The following PDE3B variants were observed in gnomAD, a reference collection of about 807,000 sequenced individuals.
PDE3B encodes the protein cGMP-inhibited 3',5'-cyclic phosphodiesterase 3B.
PDE3B carries 66 observed loss-of-function variants against 116.8 expected under a neutral mutation model. The observed-to-expected ratio is 0.56, with a 90% CI of 0.46 to 0.69. PDE3B has a LOEUF of 0.69. Among genes scored for constraint, PDE3B ranks in the 30% least tolerant of loss-of-function variants. The probability of loss-of-function intolerance (pLI) is 0.00; values close to 1 mark genes in which losing one functional copy is unlikely to be tolerated. For missense variants in PDE3B, 1,384 were observed against 1,368.1 expected, an observed-to-expected ratio of 1.01 and a Z score of -0.18; for synonymous variants, 595 against 533.6, an observed-to-expected ratio of 1.12 and a Z score of -1.59.
At chr11:14,662,672 A>G (rs1229262676) in intron 1 of PDE3B, among the ~76,000 whole-genome samples, 1 of 152,254 alleles carries the variant, frequency 6.6e-6, no homozygotes, top group Non-Finnish European at 1.5e-5. Context: ...CAGAAGCCTT[A>G]GGAGCTGATG....
chr11:14,770,050 G>A (rs1329546548), intron 1 of PDE3B, among the ~76,000 whole-genome samples: 2 of 151,324 alleles, frequency 1.3e-5, no homozygotes, highest in Non-Finnish European at 3.0e-5. Context: ...TGTGAGTCAG[G>A]GAAATAAGGT....
At chr11:14,800,680 T>G in intron 4 of PDE3B, among the ~76,000 whole-genome samples, 1 of 152,162 alleles carries the variant, frequency 6.6e-6, no homozygotes, top group East Asian at 1.9e-4. Flanking sequence ...TTCTCTGTAT[T>G]TCCTGAATTT....
intron 1 of PDE3B, among the ~76,000 whole-genome samples, chr11:14,763,412 A>G (rs2133889626): frequency 6.6e-6 from 1 of 152,238 alleles, no homozygotes; most frequent in Admixed American, 6.6e-5. Context: ...GAAGAACTAG[A>G]AACAACCAAT....
intron 1 of PDE3B, among the ~76,000 whole-genome samples, chr11:14,686,652 T>C (rs1220254779): frequency 2.0e-5 from 3 of 152,226 alleles, no homozygotes; most frequent in Non-Finnish European, 4.4e-5. Context: ...TTACCATCTA[T>C]TTAACTTAAA....
intron 1 of PDE3B, among the ~76,000 whole-genome samples, chr11:14,735,897 G>T (rs972303894): frequency 2.6e-5 from 4 of 151,996 alleles, no homozygotes; most frequent in Admixed American, 6.6e-5. Context: ...CAGTGAGGAA[G>T]AGAACACGGA....
chr11:14,874,195 T>C (rs1409345633), downstream of PDE3B, among the ~76,000 whole-genome samples: 1 of 152,210 alleles, frequency 6.6e-6, no homozygotes, highest in Non-Finnish European at 1.5e-5. Flanking sequence ...TTTATTAAGA[T>C]CATGACTCAT....
the PDE3B span, among the ~76,000 whole-genome samples, chr11:14,882,947 A>G: frequency 6.6e-5 from 10 of 152,234 alleles, no homozygotes; most frequent in Admixed American, 1.3e-4. Flanking sequence ...CTTCAAAGAG[A>G]ATAAAATACC....
the PDE3B span, chr11:14,892,200 C>T: frequency 6.2e-7 from 1 of 1,609,766 alleles, no homozygotes; most frequent in Non-Finnish European, 8.5e-7. Flanking sequence ...TCCAAAGCTT[C>T]CACATCGGCC....
intron 1 of PDE3B, among the ~76,000 whole-genome samples, chr11:14,746,171 A>T (rs1293952826): frequency 6.6e-6 from 1 of 152,206 alleles, no homozygotes; most frequent in Non-Finnish European, 1.5e-5. Context: ...AGGCGGATGG[A>T]TCACTTAAGG....
chr11:14,859,404 AAC>A (rs1847906960), intron 13 of PDE3B, among the ~76,000 whole-genome samples, 158 bp downstream of exon 13: 1 of 152,202 alleles, frequency 6.6e-6, no homozygotes, highest in Admixed American at 6.5e-5. Flanking sequence ...TTTAAAAATA[AAC>A]ATTTTTATTG....
chr11:14,754,634 G>A (rs758901709), intron 1 of PDE3B, among the ~76,000 whole-genome samples: 38 of 152,258 alleles, frequency 2.5e-4, no homozygotes, highest in Non-Finnish European at 4.0e-4. Context: ...GCCAGGTGCA[G>A]TGGTGGGTGC....
At chr11:14,772,145 T>C (rs967207176) in intron 2 of PDE3B, 158 bp downstream of exon 2, 9 of 389,024 alleles carry the variant, frequency 2.3e-5, no homozygotes, top group South Asian at 1.2e-4. Flanking sequence ...AGAACCTTCA[T>C]TGAGGTAGAT....
the PDE3B span, chr11:14,880,860 A>T: frequency 1.6e-5 from 20 of 1,224,666 alleles, no homozygotes; most frequent in Non-Finnish European, 2.3e-5. Flanking sequence ...ATGGTTAGTC[A>T]TCCTTCTCCA....
At chr11:14,837,630 C>G (rs1860094281) in intron 11 of PDE3B, among the ~76,000 whole-genome samples, 1 of 152,202 alleles carries the variant, frequency 6.6e-6, no homozygotes, top group Non-Finnish European at 1.5e-5. Flanking sequence ...TTCTCAATGA[C>G]TTAGGTATAG....
chr11:14,688,330 A>G lies in PDE3B; in HGVS notation c.978+43277A>G, dbSNP rs552719587. Among the ~76,000 whole-genome samples, 60 of 152,278 alleles carry G rather than the reference A, an allele frequency of 3.9e-4. No homozygotes were observed. The South Asian group carries it at 0.011, about 29-fold the overall frequency. ...AGAACATCAGAGTTGCATGTTTTTAAGCTTAGAGAAAAATGGACACACTGA... is the reference window on the plus strand; with the variant it reads ...AGAACATCAGAGTTGCATGTTTTTAGGCTTAGAGAAAAATGGACACACTGA... On this transcript the variant is annotated intron_variant, in intron 1 of 15. Transcript: ENST00000282096.
chr11:14,689,255 T>C (rs888988959), intron 1 of PDE3B, among the ~76,000 whole-genome samples: 8 of 152,198 alleles, frequency 5.3e-5, no homozygotes, highest in African/African-American at 1.9e-4. Flanking sequence ...CCAAGTATTA[T>C]GGGAATTTGT....
chr11:14,814,985 A>T (rs1387889891), intron 5 of PDE3B, among the ~76,000 whole-genome samples: 2 of 151,842 alleles, frequency 1.3e-5, no homozygotes, highest in Admixed American at 6.6e-5. Flanking sequence ...AAGAAAAAAA[A>T]AAAAAGCTAG....
chr11:14,731,035 T>C (rs1371539735), intron 1 of PDE3B, among the ~76,000 whole-genome samples: 3 of 152,174 alleles, frequency 2.0e-5, no homozygotes, highest in Non-Finnish European at 4.4e-5. Flanking sequence ...TTTTAGTGCA[T>C]CTCAAGTATG....
intron 1 of PDE3B, among the ~76,000 whole-genome samples, chr11:14,721,324 T>A (rs1302757579): frequency 1.3e-5 from 2 of 151,944 alleles, no homozygotes; most frequent in African/African-American, 4.8e-5. Context: ...ACACTGTTGG[T>A]GGGACTGTAA....
Sources: gnomAD v4.1 joint callset for allele counts (sites outside exome capture counted in the v4.1 genomes callset) on GRCh38, gnomAD v4.1.1 for gene constraint, MANE v1.5 for transcripts, NCBI Gene and HGNC (gene_info 2026-07-23, HGNC 2026-07-21) for gene names.